Variants in TLE6 observed in about 807,000 individuals in gnomAD.
The protein encoded by TLE6 is transducin-like enhancer protein 6.
A neutral mutation model predicts 77.1 loss-of-function variants in TLE6; 72 were observed. The ratio of observed to expected loss-of-function variants is 0.93; its 90% CI spans 0.77 to 1.14. The LOEUF (loss-of-function observed/expected upper bound fraction) is 1.14. TLE6 is among the 50% of genes most tolerant of loss of function. The pLI, the probability that TLE6 is intolerant of heterozygous loss-of-function variation, is 0.00. For synonymous variants in TLE6, 366 were observed against 287.3 expected (o/e 1.27, Z -2.77); for missense variants, 843 against 747.6 (o/e 1.13, Z -1.49).
chr19:2,991,185 C>T (rs1296463802), intron 13 of TLE6, among the ~76,000 whole-genome samples: 2 of 150,814 alleles, frequency 1.3e-5, no homozygotes, highest in Admixed American at 6.6e-5. Context: ...CATGGAGATA[C>T]CCCATCTCTA....
chr19:2,990,476 T>C (rs1302478138), intron 13 of TLE6, among the ~76,000 whole-genome samples: 1 of 150,422 alleles, frequency 6.6e-6, no homozygotes, highest in Non-Finnish European at 1.5e-5. Flanking sequence ...CGGTGGTGGG[T>C]ACCTGTAGTC....
chr19:2,988,194 C>G, intron 11 of TLE6, 66 bp downstream of exon 11: 1 of 1,486,792 alleles, frequency 6.7e-7, no homozygotes, highest in Non-Finnish European at 9.2e-7. Flanking sequence ...CCTGTCTATA[C>G]CTCTGTTCCC....
chr19:2,987,500 G>T, intron 8 of TLE6, 128 bp downstream of exon 8: 2 of 1,379,080 alleles, frequency 1.5e-6, no homozygotes, highest in Admixed American at 1.8e-5. Flanking sequence ...CGGGTCCCCC[G>T]GGGGGGACTT....
chr19:2,985,714 C>T (rs1322950824), intron 5 of TLE6, among the ~76,000 whole-genome samples: 2 of 150,594 alleles, frequency 1.3e-5, no homozygotes, highest in Non-Finnish European at 3.0e-5. Context: ...CCACCGCACC[C>T]GGCCTGCTTG....
In TLE6 at chr19:2,991,764, A is replaced by G; in HGVS notation, c.1245-79A>G. 3.4e-6 allele frequency: 5 copies of G among 1,456,926 alleles called. No homozygotes were observed. In the South Asian group the frequency reaches 5.9e-5, roughly 17 times the overall value. 90.2% of individuals were successfully genotyped at this position (1,456,926 alleles called of 1,614,324 possible). A position where few individuals can be genotyped will look rare whatever the true frequency, so the allele number is the denominator to read the frequency against. ...TGGTGGCACTGTCCCTTTCATGCCCAAATGTAGTGACTGGTGTTTCCGGGG... is the reference window on the plus strand; with the variant it reads ...TGGTGGCACTGTCCCTTTCATGCCCGAATGTAGTGACTGGTGTTTCCGGGG... On this transcript the variant is annotated intron_variant, in intron 13 of 16. Transcript: ENST00000246112.
In TLE6 at chr19:2,989,319, G is replaced by T; in HGVS notation, c.993+6G>T. 6.2e-7 allele frequency: 1 copy of T among 1,611,614 alleles called. No individual in the cohort carries two copies. Reference sequence around the variant, plus strand: ...AGAGCCACCTGCCTATACAGGTGAGGACGGCCTTGGTTTCCAGGGATGCAG... The same window carrying T: ...AGAGCCACCTGCCTATACAGGTGAGTACGGCCTTGGTTTCCAGGGATGCAG... On this transcript the variant is annotated splice_donor_region_variant and intron_variant, in intron 12 of 16. Coordinates refer to ENST00000246112, the MANE Select transcript of TLE6 (RefSeq NM_001143986.2).
At chr19:2,994,376 C>G (rs575945813) in intron 16 of TLE6, among the ~76,000 whole-genome samples, 1 of 152,026 alleles carries the variant, frequency 6.6e-6, no homozygotes, top group Non-Finnish European at 1.5e-5. Context: ...TTTGGGAGGC[C>G]GAGACGGGCA....
In TLE6 at chr19:2,991,929, G is replaced by T. The variant is rs1428210928; in HGVS notation, c.1331G>T (p.Arg444Leu). The stretch of plus-strand genomic sequence containing the variant: ...ACTGGGGGTCCGGATGCCTGTCTGC[G>T]GTGCTGGGACCAGAGGACCATCATG... ...IWTGGPDACL[R>L]CWDQRTIMKP... Residue 444 changes from arginine (R) to leucine (L), a missense_variant, in exon 14 of 17, where the codon CGG becomes CTG. Coordinates refer to ENST00000246112, the MANE Select transcript of TLE6 (RefSeq NM_001143986.2). 1 of 1,613,834 alleles carries T rather than the reference G, an allele frequency of 6.2e-7. No homozygotes were observed. Among genetic ancestry groups the T allele is most frequent in the African/African-American group, 1.3e-5 (1 of 74,868 alleles).
At position 2,994,087 on chromosome 19, in the gene TLE6, G is replaced by C. The variant is rs1265752650; in HGVS notation, c.1606G>C (p.Val536Leu). ...CTACAGCATGCCGGCGGGGACAAAAGTGTTCGAGGTACTGCGGTGGGCTGG... is the reference window on the plus strand; with the variant it reads ...CTACAGCATGCCGGCGGGGACAAAACTGTTCGAGGTACTGCGGTGGGCTGG... The part of the protein sequence containing the change: ...GVYSMPAGTK[V>L]FEVPEMSPVT... Residue 536 changes from valine (V) to leucine (L), a missense_variant, in exon 16 of 17, where the codon GTG becomes CTG. Val to Leu is a conservative substitution (Grantham distance 32). Transcript: ENST00000246112. The C allele has an allele frequency of 6.3e-7, 1 of 1,595,102 alleles. No homozygotes were observed. The highest frequency in any genetic ancestry group is 1.4e-5 in the African/African-American group (1 of 73,568).
chr19:2,978,743 A>C (rs1444173627), intron 2 of TLE6, among the ~76,000 whole-genome samples: 1 of 152,102 alleles, frequency 6.6e-6, no homozygotes, highest in East Asian at 1.9e-4. Flanking sequence ...GGTGACAGTG[A>C]GATCCCATCT....
chr19:2,986,389 C>G (rs1259626317), intron 5 of TLE6, among the ~76,000 whole-genome samples: 3 of 145,728 alleles, frequency 2.1e-5, no homozygotes, highest in African/African-American at 7.7e-5. Context: ...GCACTCCAGC[C>G]TGGGTGTCAG....
At chr19:2,981,708 C>T (rs959790072) in intron 4 of TLE6, 125 bp downstream of exon 4, 23 of 1,039,474 alleles carry the variant, frequency 2.2e-5, no homozygotes, top group South Asian at 1.3e-4. Flanking sequence ...CTGTGCCTCA[C>T]GCCTGTAATC....
chr19:2,978,133 C>A, intron 1 of TLE6, 65 bp from the exon 2 acceptor site: 1 of 1,275,730 alleles, frequency 7.8e-7, no homozygotes, highest in Non-Finnish European at 1.1e-6. Flanking sequence ...GTAACGGGTG[C>A]CTTGCTTCCC....
At position 2,987,139 on chromosome 19, in the gene TLE6, T is replaced by A; in HGVS notation, c.442T>A (p.Trp148Arg). ...EDNQPETQLFWDKEPWFWHDT... is the reference protein window; with the variant it reads ...EDNQPETQLFRDKEPWFWHDT... ...CAATCAGCCGGAGACCCAGCTGTTC[T>A]GGGACAAGGAGCCTTGGTTTTGGCA... is the stretch of plus-strand genomic sequence containing the variant. Residue 148 changes from tryptophan to arginine, a missense_variant, in exon 7 of 17, where the codon TGG (tryptophan) becomes AGG (arginine). By Grantham distance (101) the Trp-to-Arg change is moderately radical. Coordinates refer to ENST00000246112, the MANE Select transcript of TLE6 (RefSeq NM_001143986.2). 6.2e-7 allele frequency: 1 copy of A among 1,614,066 alleles called. No individual in the cohort carries two copies. The highest frequency in any genetic ancestry group is 8.5e-7 in the Non-Finnish European group (1 of 1,180,032).
Position 2,989,313 on chromosome 19 carries a change from G to A in TLE6, c.993G>A (p.Gln331=). The change falls in exon 12 of 17, where the codon CAG becomes CAA. Residue 331 remains glutamine, a splice_region_variant and synonymous_variant. Transcript: ENST00000246112. ...TCCCTGAGAGCCACCTGCCTATACA[G>A]GTGAGGACGGCCTTGGTTTCCAGGG... ...DRFPESHLPI[Q]TPGAFLRTCL... is the part of the protein sequence containing the mutation. 1 of 1,612,654 alleles carries A rather than the reference G, an allele frequency of 6.2e-7. No individual in the cohort carries two copies. The highest frequency in any genetic ancestry group is 1.3e-5 in the African/African-American group (1 of 75,074).
At position 2,987,109 on chromosome 19, in the gene TLE6, G is replaced by T; in HGVS notation, c.412G>T (p.Glu138Ter). 6.2e-7 allele frequency: 1 copy of T among 1,614,162 alleles called. No individual in the cohort carries two copies. Among genetic ancestry groups the T allele is most frequent in the Non-Finnish European group, 8.5e-7 (1 of 1,180,036 alleles). The part of the protein sequence containing the change: ...SSDWLRRPLG[E>*]DNQPETQLFW... ...CGACTGGCTCCGGCGGCCTTTGGGG[G>T]AGGACAATCAGCCGGAGACCCAGCT... The change falls in exon 7 of 17, where the codon GAG becomes TAG. Residue 138 changes from glutamate (E) to a stop codon, truncating the protein, a stop_gained. Transcript: ENST00000246112. LOFTEE classifies it high-confidence loss of function.
intron 5 of TLE6, among the ~76,000 whole-genome samples, chr19:2,985,399 C>CT (rs1158204473): frequency 0.07 from 6,252 of 89,714 alleles, 619 homozygotes; most frequent in Middle Eastern, 0.12. Flanking sequence ...TGCTTGAAGC[C>CT]TTTTTTTTTT....
rs150093541 is a variant in TLE6 at position 2,989,663 on chromosome 19, G to T, written c.1122G>T (p.Gln374His). 2.5e-6 allele frequency: 4 copies of T among 1,614,222 alleles called. No individual in the cohort carries two copies. The highest frequency in any genetic ancestry group is 2.5e-6 in the Non-Finnish European group (3 of 1,180,044). ...LAAPSLHVKE[Q>H]LPCAGLNCQA... The stretch of plus-strand genomic sequence containing the variant: ...CGCCCTCCCTGCATGTGAAGGAGCA[G>T]TTGCCCTGTGCAGGTCTCAACTGCC... Residue 374 changes from glutamine to histidine, a missense_variant, in exon 13 of 17, where the codon CAG (glutamine) becomes CAT (histidine). Physicochemically the swap from Gln to His is conservative, Grantham distance 24. Coordinates refer to ENST00000246112, the MANE Select transcript of TLE6 (RefSeq NM_001143986.2).
chr19:2,987,251 G>A lies in TLE6; in HGVS notation c.541+13G>A, dbSNP rs985370955. 2 of 1,613,808 alleles carry A rather than the reference G, an allele frequency of 1.2e-6. No individual in the cohort carries two copies. The highest frequency in any genetic ancestry group is 1.7e-6 in the Non-Finnish European group (2 of 1,179,662). ...CCCAGAGACAGACGTGAGTGTCCCT[G>A]AGGGTGAGGGGGAAGGGGCAGCCAC... On this transcript the variant is annotated intron_variant, in intron 7 of 16. Transcript: ENST00000246112.
Sources: gnomAD v4.1 joint callset for allele counts (sites outside exome capture counted in the v4.1 genomes callset) on GRCh38, gnomAD v4.1.1 for gene constraint, MANE v1.5 for transcripts, NCBI Gene and HGNC (gene_info 2026-07-23, HGNC 2026-07-21) for gene names.